Variants in CRHBP observed in about 807,000 individuals in gnomAD.
CRHBP encodes the protein corticotropin-releasing hormone-binding protein.
A neutral mutation model predicts 34.9 loss-of-function variants in CRHBP; 19 were observed. That is an observed-to-expected ratio of 0.55 (90% CI 0.38 to 0.80). The LOEUF is 0.80. Among genes scored for constraint, CRHBP ranks in the 30% least tolerant of loss-of-function variants. The probability of loss-of-function intolerance (pLI) is 0.00; values close to 1 mark genes in which losing one functional copy is unlikely to be tolerated. For missense variants in CRHBP, 328 were observed against 409.2 expected, an observed-to-expected ratio of 0.80 and a Z score of 1.71; for synonymous variants, 154 against 153.4, an observed-to-expected ratio of 1.00 and a Z score of -0.03.
downstream of CRHBP, among the ~76,000 whole-genome samples, chr5:76,969,647 T>A (rs1745913768): frequency 6.6e-6 from 1 of 152,208 alleles, no homozygotes; most frequent in South Asian, 2.1e-4. Context: ...ATTGCAGTGT[T>A]TGCACAGGCA....
intron 6 of CRHBP, among the ~76,000 whole-genome samples, chr5:76,966,105 A>G (rs184142712): frequency 4.5e-4 from 69 of 152,000 alleles, no homozygotes; most frequent in African/African-American, 1.5e-3. Context: ...CGCAACCTCC[A>G]CCTATTGGGT....
intron 2 of CRHBP, among the ~76,000 whole-genome samples, chr5:76,974,752 T>A (rs1424630880): frequency 2.0e-5 from 3 of 152,338 alleles, no homozygotes; most frequent in East Asian, 1.9e-4. Context: ...ATGATTATCA[T>A]CCATTTTTCT....
At chr5:76,963,526 A>C in intron 6 of CRHBP, 66 bp downstream of exon 6, 2 of 1,348,168 alleles carry the variant, frequency 1.5e-6, no homozygotes, top group East Asian at 4.6e-5. Context: ...GCACTCCCCT[A>C]ATATTTTCTA....
In CRHBP at chr5:76,953,065, C is replaced by A; in HGVS notation, c.-70C>A. On this transcript the variant is annotated 5_prime_UTR_variant, in exon 1 of 7. Coordinates refer to ENST00000274368, the MANE Select transcript of CRHBP (RefSeq NM_001882.4). ...CTACCAGCTTCTAGCTCTCAGTCTG[C>A]GCGAGGGTGTAGGAAGGAAAGCCCA... The A allele has an allele frequency of 2.7e-6, 4 of 1,496,160 alleles. No individual in the cohort carries two copies. The highest frequency in any genetic ancestry group is 2.3e-5 in the South Asian group (2 of 88,210). 92.7% of individuals were successfully genotyped at this position (1,496,160 alleles called of 1,614,324 possible).
At position 76,958,881 on chromosome 5, in the gene CRHBP, C is replaced by A; in HGVS notation, c.685C>A (p.Gln229Lys). 1.2e-6 allele frequency: 2 copies of A among 1,613,674 alleles called. No homozygotes were observed. Among genetic ancestry groups the A allele is most frequent in the Non-Finnish European group, 1.7e-6 (2 of 1,179,910 alleles). The change falls in exon 5 of 7, where the codon CAG becomes AAG. Residue 229 changes from glutamine (Q) to lysine (K), a missense_variant. Physicochemically the swap from Gln to Lys is moderately conservative, Grantham distance 53. Around this residue, in one of 3 missense-constraint regions of CRHBP, gnomAD observed 144 missense variants for 216.7 expected, o/e 0.66. Transcript: ENST00000274368. ...TACCCTGGGACACGTAAATGGTCTT[C>A]AGTTAAAGGTGAGTTGCTTACTTGT... ...DLTLGHVNGLQLKKSSAGCEG... is the reference protein window; with the variant it reads ...DLTLGHVNGLKLKKSSAGCEG...
chr5:76,967,140 G>T (rs1461264526), intron 6 of CRHBP, among the ~76,000 whole-genome samples: 1 of 152,118 alleles, frequency 6.6e-6, no homozygotes, highest in Non-Finnish European at 1.5e-5. Flanking sequence ...TACTGGAGAG[G>T]CTGAGTTAGG....
At chr5:76,958,384 C>T (rs753790005) in intron 4 of CRHBP, among the ~76,000 whole-genome samples, 6 of 152,056 alleles carry the variant, frequency 3.9e-5, no homozygotes, top group Non-Finnish European at 8.8e-5. Context: ...TTTCCAGATT[C>T]CTAGCTTTAA....
intron 6 of CRHBP, among the ~76,000 whole-genome samples, chr5:76,966,107 C>A (rs143189959): frequency 0.02 from 3,074 of 152,244 alleles, 104 homozygotes; most frequent in African/African-American, 0.07. Flanking sequence ...CAACCTCCAC[C>A]TATTGGGTTC....
chr5:76,965,791 G>C (rs930222402), intron 6 of CRHBP, among the ~76,000 whole-genome samples: 4 of 152,168 alleles, frequency 2.6e-5, no homozygotes, highest in African/African-American at 9.7e-5. Flanking sequence ...GTTCATTTTA[G>C]ACTTTATTCC....
At chr5:76,976,833 G>A (rs1438946913) in intron 3 of CRHBP, among the ~76,000 whole-genome samples, 3 of 152,152 alleles carry the variant, frequency 2.0e-5, no homozygotes, top group Non-Finnish European at 1.5e-5. Flanking sequence ...AGAGAAAATA[G>A]CTTGTTTTTA....
intron 6 of CRHBP, among the ~76,000 whole-genome samples, chr5:76,967,255 G>A (rs1345150637): frequency 6.6e-6 from 1 of 151,952 alleles, no homozygotes; most frequent in Non-Finnish European, 1.5e-5. Flanking sequence ...AAAAAGAAAG[G>A]AAAGGAAAAG....
At chr5:76,975,292 C>T (rs1294415215) in intron 2 of CRHBP, among the ~76,000 whole-genome samples, 2 of 152,078 alleles carry the variant, frequency 1.3e-5, no homozygotes, top group South Asian at 4.1e-4. Context: ...CCTTACAACC[C>T]TTTTTCTTCT....
At chr5:76,963,139 A>ACT (rs1409511368) in intron 5 of CRHBP, 1 of 534,266 alleles carries the variant, frequency 1.9e-6, no homozygotes, top group Non-Finnish European at 3.3e-6. Context: ...AAAAATGATT[A>ACT]CTCAACTGAT....
intron 3 of CRHBP, among the ~76,000 whole-genome samples, chr5:76,980,148 G>C (rs1182035614): frequency 6.6e-6 from 1 of 151,128 alleles, no homozygotes; most frequent in Non-Finnish European, 1.5e-5. Flanking sequence ...CCAGCTACTC[G>C]GGAGGCTGAG....
chr5:76,972,755 G>A (rs1426088649), downstream of CRHBP, among the ~76,000 whole-genome samples: 1 of 152,206 alleles, frequency 6.6e-6, no homozygotes, highest in Non-Finnish European at 1.5e-5. Context: ...AAAGCAGCAT[G>A]TCTTCTTTAC....
At chr5:76,961,876 C>T (rs1745782363) in intron 5 of CRHBP, among the ~76,000 whole-genome samples, 1 of 152,176 alleles carries the variant, frequency 6.6e-6, no homozygotes, top group African/African-American at 2.4e-5. Context: ...ACCTCAGCTT[C>T]CCGAGTAGCT....
downstream of CRHBP, among the ~76,000 whole-genome samples, chr5:76,970,521 A>C (rs56024632): frequency 0.13 from 20,454 of 152,120 alleles, 1,540 homozygotes; most frequent in South Asian, 0.23. Flanking sequence ...ATGATGAATA[A>C]ATGCTTGAAT....
In CRHBP at chr5:76,958,725, T is replaced by C. The variant is rs563306152; in HGVS notation, c.545-16T>C. 6.3e-7 allele frequency: 1 copy of C among 1,596,620 alleles called. No individual in the cohort carries two copies. Among genetic ancestry groups the C allele is most frequent in the African/African-American group, 1.4e-5 (1 of 73,690 alleles). ...CAAGTAAAGGAAACGTGAATTTCTTTTTCTTTTCTACAAAGCTTGCAATGT... is the reference window on the plus strand; with the variant it reads ...CAAGTAAAGGAAACGTGAATTTCTTCTTCTTTTCTACAAAGCTTGCAATGT... On this transcript the variant is annotated splice_polypyrimidine_tract_variant and intron_variant, in intron 4 of 6. Transcript: ENST00000274368.
intron 5 of CRHBP, among the ~76,000 whole-genome samples, chr5:76,960,693 A>G (rs1353390701): frequency 6.6e-6 from 1 of 152,130 alleles, no homozygotes; most frequent in African/African-American, 2.4e-5. Flanking sequence ...AAAACCTTCA[A>G]TTTTGCACAT....
Sources: allele counts gnomAD v4.1 joint callset (sites outside exome capture counted in the v4.1 genomes callset), GRCh38; gene constraint gnomAD v4.1.1; regional missense constraint gnomAD v4.1.1; transcripts MANE v1.5; gene names NCBI Gene and HGNC (gene_info 2026-07-23, HGNC 2026-07-21).